The following NAE1 variants were observed in gnomAD, a reference collection of about 807,000 sequenced individuals.
The protein encoded by NAE1 is NEDD8 activating enzyme E1 subunit 1, also known as NEDD8-activating enzyme E1 regulatory subunit.
In NAE1, 59 loss-of-function variants were observed where a neutral mutation model predicts 88.0. The observed-to-expected ratio is 0.67, with a 90% CI of 0.54 to 0.83. The LOEUF (loss-of-function observed/expected upper bound fraction) is 0.83. Ranked by LOEUF, NAE1 falls within the 40% of genes least tolerant of loss-of-function variation. NAE1 has a pLI of 0.00. For synonymous variants in NAE1, 186 were observed against 208.9 expected, an observed-to-expected ratio of 0.89 and a Z score of 0.95; for missense variants, 554 against 632.8, an observed-to-expected ratio of 0.88 and a Z score of 1.34.
In NAE1 at chr16:66,816,602, G is replaced by A. The variant is rs1188966266; in HGVS notation, c.819C>T (p.Asn273=). 2 of 1,610,806 alleles carry A rather than the reference G, an allele frequency of 1.2e-6. No homozygotes were observed. The highest frequency in any genetic ancestry group is 3.3e-5 in the Admixed American group (2 of 59,880). ...TTACCTGAGTTGTATTTAGTGCTGT[G>A]TTCACATTTTTAATAGCTTCTTCAA... ...ENFEEAIKNV[N]TALNTTQIPS... is the part of the protein sequence containing the mutation. The change falls in exon 11 of 20, where the codon AAC becomes AAT. Residue 273 remains asparagine, a synonymous_variant. Coordinates refer to ENST00000290810, the MANE Select transcript of NAE1 (RefSeq NM_003905.4).
chr16:66,806,518 G>A (rs954457997), intron 17 of NAE1, among the ~76,000 whole-genome samples: 2 of 151,902 alleles, frequency 1.3e-5, no homozygotes, highest in African/African-American at 2.4e-5. Flanking sequence ...TCTGCCTGCC[G>A]GGTTCAAATG....
chr16:66,813,810 G>C lies in NAE1; in HGVS notation c.877C>G (p.Arg293Gly), dbSNP rs542519560. The change falls in exon 12 of 20, where the codon CGC becomes GGC. Residue 293 changes from arginine to glycine, a missense_variant. Arg to Gly is a moderately radical substitution (Grantham distance 125). Coordinates refer to ENST00000290810, the MANE Select transcript of NAE1 (RefSeq NM_003905.4). ...SSIEDIFNDD[R>G]CINITKQTPS... ...ACCTGTTTGGTGATATTTATGCAGC[G>C]ATCATCATTAAATATATCTTCAATA... is the stretch of plus-strand genomic sequence containing the variant. 2 of 1,613,740 alleles carry C rather than the reference G, an allele frequency of 1.2e-6. No homozygotes were observed. The highest frequency in any genetic ancestry group is 2.2e-5 in the East Asian group (1 of 44,860).
In NAE1 at chr16:66,810,769, G is replaced by GT. The variant is rs1567489126; in HGVS notation, c.1037dup (p.Tyr346Ter). The GT allele has an allele frequency of 6.2e-7, 1 of 1,613,364 alleles. No homozygotes were observed. Among genetic ancestry groups the GT allele is most frequent in the Non-Finnish European group, 8.5e-7 (1 of 1,179,790 alleles). Residue 346 changes from tyrosine (Y) to a stop codon, truncating the protein, a stop_gained and frameshift_variant, in exon 14 of 20, where the codon TAC (tyrosine) becomes TAAC (stop). Transcript: ENST00000290810. LOFTEE classifies it high-confidence loss of function. ...CAGCATCTTTCTTTGCTTTTTCACG[G>GT]TAACTAAAAAAGAATAAAAAGCAAT... ...SGKYIKLQNV[Y>*]REKAKKDAAA...
At position 66,823,710 on chromosome 16, in the gene NAE1, A is replaced by C. The variant is rs780710719; in HGVS notation, c.250-110T>G. On this transcript the variant is annotated intron_variant, in intron 4 of 19. Transcript: ENST00000290810. ...CTGTAAAACTATCCAAATTTCATGC[A>C]TAAGTATGACAACTCTGTTTCCCTT... 100 of 799,294 alleles carry C rather than the reference A, an allele frequency of 1.3e-4. 1 individual carries two copies. The highest frequency in any genetic ancestry group is 1.5e-4 in the Non-Finnish European group (75 of 513,022). 49.5% of individuals were successfully genotyped at this position (799,294 alleles called of 1,614,324 possible).
intron 1 of NAE1, 129 bp downstream of exon 1, chr16:66,830,718 C>A: frequency 1.2e-6 from 1 of 860,696 alleles, no homozygotes; most frequent in South Asian, 2.0e-5. Context: ...CTTCCCGCGC[C>A]CCGCACGGCC....
At chr16:66,818,379 A>G in intron 8 of NAE1, 149 bp downstream of exon 8, 1 of 609,098 alleles carries the variant, frequency 1.6e-6, no homozygotes, top group Non-Finnish European at 2.7e-6. Flanking sequence ...AATATGTTGA[A>G]AACAAGGTAA....
At chr16:66,806,316 A>G (rs1237781854) in intron 17 of NAE1, among the ~76,000 whole-genome samples, 1 of 152,206 alleles carries the variant, frequency 6.6e-6, no homozygotes, top group Non-Finnish European at 1.5e-5. Flanking sequence ...AGAAGAACTT[A>G]ATGAATGAGA....
chr16:66,808,742 T>A, intron 16 of NAE1, 129 bp from the exon 17 acceptor site: 1 of 742,656 alleles, frequency 1.3e-6, no homozygotes, highest in Non-Finnish European at 2.3e-6. Context: ...ACTGAAGTAG[T>A]AACATACTGA....
intron 1 of NAE1, chr16:66,828,064 T>G: frequency 6.2e-7 from 1 of 1,613,082 alleles, no homozygotes; most frequent in Non-Finnish European, 8.5e-7. Flanking sequence ...CTGTCAAATG[T>G]ATGGAGGAAT....
At chr16:66,814,006 G>A (rs950845162) in intron 11 of NAE1, among the ~76,000 whole-genome samples, 160 bp from the exon 12 acceptor site, 1 of 152,166 alleles carries the variant, frequency 6.6e-6, no homozygotes, top group African/African-American at 2.4e-5. Context: ...AGTACCATAT[G>A]AAGATTTGAT....
chr16:66,804,583 G>A (rs753163355), intron 19 of NAE1, among the ~76,000 whole-genome samples: 114 of 152,294 alleles, frequency 7.5e-4, no homozygotes, highest in Middle Eastern at 3.4e-3. Context: ...GAAGGAAAAT[G>A]CCACAAGCTA....
intron 11 of NAE1, among the ~76,000 whole-genome samples, chr16:66,816,106 AGGTGTTATTCC>A (rs1380910746): frequency 6.6e-6 from 1 of 152,194 alleles, no homozygotes. Context: ...TTAAACTACC[AGGTGTTATTCC>A]AAAGCTCCCC....
chr16:66,819,551 C>A (rs1219636016), intron 7 of NAE1, among the ~76,000 whole-genome samples: 1 of 152,204 alleles, frequency 6.6e-6, no homozygotes, highest in Non-Finnish European at 1.5e-5. Flanking sequence ...GATTGTATAT[C>A]TCTCTTATCC....
intron 15 of NAE1, among the ~76,000 whole-genome samples, chr16:66,809,642 G>A (rs1959706719): frequency 1.3e-5 from 2 of 152,090 alleles, no homozygotes; most frequent in Admixed American, 1.3e-4. Flanking sequence ...GCTAATTCAA[G>A]ATTAGTCTAA....
At chr16:66,820,619 C>T (rs981339534) in intron 7 of NAE1, among the ~76,000 whole-genome samples, 11 of 149,980 alleles carry the variant, frequency 7.3e-5, no homozygotes, top group African/African-American at 1.2e-4. Context: ...ATTAGCTGGG[C>T]GGCCGGGTGC....
At chr16:66,825,865 A>G (rs1184727195) in intron 3 of NAE1, among the ~76,000 whole-genome samples, 1 of 152,222 alleles carries the variant, frequency 6.6e-6, no homozygotes, top group Non-Finnish European at 1.5e-5. Flanking sequence ...GTAAGCAAAG[A>G]TAACAAGACT....
rs577130736 is a variant in NAE1, at chr16:66,826,360, T to A, written c.218+163A>T. ...ATTTATTAATGCCCTATTTGCCAGA[T>A]GCTGTACTAGCACTTTACCTATATT... On this transcript the variant is annotated intron_variant, in intron 3 of 19. Transcript: ENST00000290810. 6 of 629,524 alleles carry A rather than the reference T, an allele frequency of 9.5e-6. No individual in the cohort carries two copies. In the South Asian group the frequency reaches 1.2e-4, roughly 12 times the overall value. The allele number at this position is 629,524 out of a possible 1,614,324, so 39.0% of individuals were successfully genotyped here. A position where few individuals can be genotyped will look rare whatever the true frequency, so the allele number is the denominator to read the frequency against.
At chr16:66,818,034 G>C (rs996677403) in intron 8 of NAE1, among the ~76,000 whole-genome samples, 2 of 152,224 alleles carry the variant, frequency 1.3e-5, no homozygotes, top group Admixed American at 1.3e-4. Flanking sequence ...GGCATGCAAT[G>C]TGAAATAAGC....
chr16:66,822,782 G>A (rs1018477134), intron 6 of NAE1, among the ~76,000 whole-genome samples: 3 of 146,130 alleles, frequency 2.1e-5, no homozygotes, highest in African/African-American at 7.8e-5. Flanking sequence ...CGATTCTCTT[G>A]TCTCAGCTTC....
Sources: gnomAD v4.1 joint callset for allele counts (sites outside exome capture counted in the v4.1 genomes callset) on GRCh38, gnomAD v4.1.1 for gene constraint, MANE v1.5 for transcripts, NCBI Gene and HGNC (gene_info 2026-07-23, HGNC 2026-07-21) for gene names.